The following CTBP2 variants were observed in gnomAD, a reference collection of about 807,000 sequenced individuals.
CTBP2 encodes the protein C-terminal binding protein 2.
Under a neutral mutation model 80.3 loss-of-function variants are expected in CTBP2, and 30 were observed. The observed-to-expected ratio is 0.37, with a 90% confidence interval of 0.28 to 0.51. The LOEUF is 0.51. CTBP2 is among the 20% of genes least tolerant of loss of function. The pLI is 0.93. For missense variants in CTBP2, 1,212 were observed against 1,375.3 expected (o/e 0.88, Z 1.88); for synonymous variants, 594 against 587.4 (o/e 1.01, Z -0.16).
In CTBP2 at chr10:125,081,780, A is replaced by G. The variant is rs576845109; in HGVS notation, c.-102+29210T>C. Among the ~76,000 whole-genome samples the G allele has an allele frequency of 2.0e-5, 3 of 152,222 alleles. No individual in the cohort carries two copies. In the South Asian group the frequency reaches 6.2e-4, roughly 32 times the overall value. ...CAAATTTTTGCAATGTGATTTCATT[A>G]CTCTTTAAGGTAAACTACCAAAAAT... On this transcript the variant is annotated intron_variant, in intron 2 of 10. Transcript: ENST00000337195.
chr10:125,068,627 C>A (rs1388020032), intron 2 of CTBP2, among the ~76,000 whole-genome samples: 6 of 152,192 alleles, frequency 3.9e-5, no homozygotes, highest in African/African-American at 1.4e-4. Flanking sequence ...AACAAGATGG[C>A]CAGGGTGCAA....
chr10:125,080,066 A>G (rs932453553), intron 2 of CTBP2, among the ~76,000 whole-genome samples: 9 of 152,234 alleles, frequency 5.9e-5, no homozygotes, highest in Admixed American at 3.9e-4. Flanking sequence ...ACTCCGCTGT[A>G]TATTTATGCA....
intron 1 of CTBP2, among the ~76,000 whole-genome samples, chr10:125,147,423 G>A (rs1858978264): frequency 1.3e-5 from 2 of 152,100 alleles, no homozygotes; most frequent in Admixed American, 1.3e-4. Flanking sequence ...AGCGTTTCTT[G>A]GAGTGACCTA....
At chr10:125,152,906 CT>C (rs35600742) in intron 1 of CTBP2, among the ~76,000 whole-genome samples, 55 of 152,216 alleles carry the variant, frequency 3.6e-4, no homozygotes, top group African/African-American at 1.3e-3. Context: ...AGGGAAAAAA[CT>C]TTAAGATTAT....
At chr10:125,058,437 C>A (rs547398298) in intron 2 of CTBP2, among the ~76,000 whole-genome samples, 4 of 152,318 alleles carry the variant, frequency 2.6e-5, no homozygotes, top group Non-Finnish European at 5.9e-5. Flanking sequence ...CGCCAAGGAT[C>A]TGGAGGACGG....
At chr10:125,147,944 G>A (rs912267333) in intron 1 of CTBP2, among the ~76,000 whole-genome samples, 1 of 152,080 alleles carries the variant, frequency 6.6e-6, no homozygotes, top group African/African-American at 2.4e-5. Flanking sequence ...CGTCAGGCCA[G>A]TTCTAAAGGC....
chr10:125,097,153 A>T (rs1487709449), intron 2 of CTBP2, among the ~76,000 whole-genome samples: 2 of 152,228 alleles, frequency 1.3e-5, no homozygotes, highest in East Asian at 3.8e-4. Context: ...TAGTGGATGA[A>T]CCTGCTGACT....
intron 2 of CTBP2, among the ~76,000 whole-genome samples, chr10:125,077,968 T>TTCA (rs960557070): frequency 6.6e-6 from 1 of 152,160 alleles, no homozygotes; most frequent in Non-Finnish European, 1.5e-5. Context: ...CTCTGACCCC[T>TTCA]TCATCACAAT....
intron 2 of CTBP2, among the ~76,000 whole-genome samples, chr10:125,078,137 A>T (rs1472846700): frequency 5.9e-5 from 9 of 152,150 alleles, no homozygotes; most frequent in African/African-American, 2.2e-4. Flanking sequence ...AAAATTAGCC[A>T]GGCATGGTGG....
rs547255439 is a variant in CTBP2 at position 125,116,794 on chromosome 10, T to A, written c.-205-5701A>T. Among the ~76,000 whole-genome samples the A allele has an allele frequency of 3.9e-5, 6 of 152,170 alleles. No homozygotes were observed. The South Asian group carries it at 8.3e-4, about 21-fold the overall frequency. On this transcript the variant is annotated intron_variant, in intron 1 of 10. Coordinates refer to the CTBP2 transcript ENST00000337195. ...TGGTGCCAGGGGCTTTCCCCACACA[T>A]CCCATAGCAGATCCTCCCAACGATT...
At chr10:125,018,154 G>A (rs938290393) in intron 1 of CTBP2, among the ~76,000 whole-genome samples, 4 of 152,196 alleles carry the variant, frequency 2.6e-5, no homozygotes, top group African/African-American at 9.7e-5. Context: ...GGTAGGGGGT[G>A]AACCTCTCTG....
chr10:125,145,088 G>A (rs1858503252), intron 1 of CTBP2, among the ~76,000 whole-genome samples: 1 of 152,178 alleles, frequency 6.6e-6, no homozygotes, highest in Non-Finnish European at 1.5e-5. Context: ...AAATAATTTA[G>A]TGGGTTATTT....
chr10:125,017,206 C>T (rs1025043934), intron 1 of CTBP2, among the ~76,000 whole-genome samples: 1 of 152,216 alleles, frequency 6.6e-6, no homozygotes, highest in African/African-American at 2.4e-5. Context: ...GAAGGTGACA[C>T]GCAGGAGGCT....
intron 2 of CTBP2, among the ~76,000 whole-genome samples, chr10:125,104,301 C>A (rs2135851040): frequency 6.6e-6 from 1 of 152,336 alleles, no homozygotes; most frequent in South Asian, 2.1e-4. Context: ...AGATGCTCTG[C>A]ACTGCTGCTC....
rs550455182 is a variant in CTBP2 at position 125,136,634 on chromosome 10, T to TC, written c.-206+23684dup. Among the ~76,000 whole-genome samples, 12 of 152,282 alleles carry TC rather than the reference T, an allele frequency of 7.9e-5. No individual in the cohort carries two copies. In the South Asian group the frequency reaches 2.5e-3, roughly 32 times the overall value. On this transcript the variant is annotated intron_variant, in intron 1 of 10. Transcript: ENST00000337195. Reference sequence around the variant, plus strand: ...TGCAGGAATTATGCCCTCAGCACCTTCCAAGCCTCCCTACTTAGGCCTCTT... The same window carrying TC: ...TGCAGGAATTATGCCCTCAGCACCTTCCCAAGCCTCCCTACTTAGGCCTCTT...
intron 1 of CTBP2, among the ~76,000 whole-genome samples, chr10:125,126,923 A>AC (rs1554946561): frequency 7.5e-6 from 1 of 132,676 alleles, no homozygotes; most frequent in Non-Finnish European, 1.6e-5. Context: ...ACACACACAC[A>AC]TTCTCTCTCT....
rs3781413 is a variant in CTBP2 at position 125,026,506 on chromosome 10, T to G, written c.1254A>C (p.Ala418=). The G allele has an allele frequency of 3.8e-6, 6 of 1,597,698 alleles. No individual in the cohort carries two copies. In the African/African-American group the frequency reaches 5.4e-5, roughly 14 times the overall value. The change falls in exon 1 of 9, where the codon GCA becomes GCC. Residue 418 remains alanine (A), a synonymous_variant. Transcript: ENST00000309035. ...CCACGCCAGGGGCAGAATAGGTGGCTGCCGTCTCCAGGAGGTGCTGAGATG... is the reference window on the plus strand; with the variant it reads ...CCACGCCAGGGGCAGAATAGGTGGCGGCCGTCTCCAGGAGGTGCTGAGATG...
chr10:125,095,613 G>C (rs1253612399), intron 2 of CTBP2, among the ~76,000 whole-genome samples: 1 of 152,218 alleles, frequency 6.6e-6, no homozygotes, highest in Non-Finnish European at 1.5e-5. Flanking sequence ...GAAGGAAGCA[G>C]ACTAAGATGC....
At position 125,078,997 on chromosome 10, in the gene CTBP2, A is replaced by C. The variant is rs575644312; in HGVS notation, c.-102+31993T>G. ...CTACTAAAAATACAAAAAAAAAAAA[A>C]CGAGCCGGGCATGGTGACGAGTGCC... On this transcript the variant is annotated intron_variant, in intron 2 of 10. Transcript: ENST00000337195. Among the ~76,000 whole-genome samples, 811 of 147,626 alleles carry C rather than the reference A, an allele frequency of 5.5e-3. 9 individuals are homozygous for C. Among genetic ancestry groups the C allele is most frequent in the African/African-American group, 0.019 (770 of 40,250 alleles).
Sources: allele counts gnomAD v4.1 joint callset (sites outside exome capture counted in the v4.1 genomes callset), GRCh38; gene constraint gnomAD v4.1.1; transcripts MANE v1.5; gene names NCBI Gene and HGNC (gene_info 2026-07-23, HGNC 2026-07-21).